The following IL23R variants were observed in gnomAD, a reference collection of about 807,000 sequenced individuals.
The protein encoded by IL23R is interleukin 23 receptor, also known as interleukin-23 receptor.
In IL23R, 34 loss-of-function variants were observed where a neutral mutation model predicts 56.9. The observed-to-expected ratio is 0.60, with a 90% CI of 0.45 to 0.80. IL23R has a LOEUF of 0.80. IL23R is among the 30% of genes least tolerant of loss of function. The pLI is 0.00. For missense variants in IL23R, 635 were observed against 730.0 expected, an observed-to-expected ratio of 0.87 and a Z score of 1.50; for synonymous variants, 230 against 249.2, an observed-to-expected ratio of 0.92 and a Z score of 0.73.
At chr1:67,167,083 C>T (rs774724212) in intron 1 of IL23R, among the ~76,000 whole-genome samples, 1 of 152,186 alleles carries the variant, frequency 6.6e-6, no homozygotes, top group African/African-American at 2.4e-5. Flanking sequence ...GCGTTCTCTA[C>T]AGATGAAAGG....
intron 9 of IL23R, among the ~76,000 whole-genome samples, chr1:67,253,946 C>T (rs1324579685): frequency 1.3e-5 from 2 of 152,032 alleles, no homozygotes; most frequent in East Asian, 1.9e-4. Context: ...AGACATAATT[C>T]CAATATATTT....
intron 1 of IL23R, among the ~76,000 whole-genome samples, chr1:67,167,061 C>T (rs564887374): frequency 7.2e-5 from 11 of 152,288 alleles, no homozygotes; most frequent in East Asian, 1.9e-4. Context: ...ATTTCTATAA[C>T]GTGTTCCTTT....
chr1:67,254,026 A>G (rs1652804044), intron 9 of IL23R, among the ~76,000 whole-genome samples: 1 of 152,068 alleles, frequency 6.6e-6, no homozygotes, highest in Admixed American at 6.6e-5. Flanking sequence ...TAGTTCTGAA[A>G]CAGAAGTGAG....
chr1:67,197,217 G>A (rs1648225768), intron 4 of IL23R, among the ~76,000 whole-genome samples: 1 of 152,158 alleles, frequency 6.6e-6, no homozygotes, highest in Non-Finnish European at 1.5e-5. Context: ...GCTTTGGGTA[G>A]CAAGGAAGTG....
chr1:67,139,593 C>G (rs1377575096), intron 1 of IL23R, among the ~76,000 whole-genome samples: 1 of 152,154 alleles, frequency 6.6e-6, no homozygotes, highest in Admixed American at 6.5e-5. Context: ...TTAAAGATCA[C>G]AACAGTAAAC....
chr1:67,187,209 G>A (rs944049343), intron 4 of IL23R, among the ~76,000 whole-genome samples: 2 of 152,100 alleles, frequency 1.3e-5, no homozygotes, highest in Non-Finnish European at 2.9e-5. Flanking sequence ...CAGTGTATAA[G>A]GGTTCCAGTA....
At chr1:67,160,852 C>T (rs1242668849) in intron 1 of IL23R, among the ~76,000 whole-genome samples, 1 of 152,076 alleles carries the variant, frequency 6.6e-6, no homozygotes, top group Non-Finnish European at 1.5e-5. Context: ...GCCCAGCTAG[C>T]AGAGCTCTAT....
chr1:67,244,379 C>G (rs933783045), intron 9 of IL23R, among the ~76,000 whole-genome samples: 2 of 152,160 alleles, frequency 1.3e-5, no homozygotes, highest in African/African-American at 4.8e-5. Context: ...ATCATGAACT[C>G]TTTGCCCATG....
At chr1:67,238,244 A>G (rs1399541961) in intron 8 of IL23R, among the ~76,000 whole-genome samples, 2 of 150,980 alleles carry the variant, frequency 1.3e-5, no homozygotes, top group African/African-American at 4.9e-5. Flanking sequence ...GCTACTTGGG[A>G]GGCTGAGGTG....
chr1:67,215,898 G>A (rs1005014950), intron 6 of IL23R, among the ~76,000 whole-genome samples: 7 of 151,912 alleles, frequency 4.6e-5, no homozygotes, highest in African/African-American at 1.7e-4. Context: ...TATTTTTTCT[G>A]CCAATTCCCT....
chr1:67,185,470 C>T lies in IL23R; in HGVS notation c.491+2511C>T, dbSNP rs576600898. 5.3e-5 allele frequency among the ~76,000 whole-genome samples: 8 copies of T among 152,158 alleles called. No individual in the cohort carries two copies. In the East Asian group the frequency reaches 5.8e-4, roughly 11 times the overall value. On this transcript the variant is annotated intron_variant, in intron 4 of 10. Transcript: ENST00000347310. Reference sequence around the variant, plus strand: ...CGTTTTTGTTTTTGTTTTTGAGCCACGGTCTCTGTCGCCCAGGCTGGAGTG... The same window carrying T: ...CGTTTTTGTTTTTGTTTTTGAGCCATGGTCTCTGTCGCCCAGGCTGGAGTG...
chr1:67,190,369 C>T (rs1013337219), intron 4 of IL23R, among the ~76,000 whole-genome samples: 13 of 151,756 alleles, frequency 8.6e-5, no homozygotes, highest in Non-Finnish European at 1.5e-4. Context: ...GACAGAGCCT[C>T]CTGGCTGTTC....
chr1:67,195,197 T>G (rs1648043675), intron 4 of IL23R, among the ~76,000 whole-genome samples: 1 of 152,136 alleles, frequency 6.6e-6, no homozygotes, highest in Admixed American at 6.5e-5. Context: ...CACACCTGGC[T>G]AATTTTTGTA....
chr1:67,198,337 CAT>C (rs1195217703), intron 4 of IL23R, among the ~76,000 whole-genome samples: 1 of 152,194 alleles, frequency 6.6e-6, no homozygotes. Context: ...CTAAAAACAT[CAT>C]GTGATTATTT....
chr1:67,220,547 T>C (rs1650173867), intron 7 of IL23R, among the ~76,000 whole-genome samples: 1 of 152,042 alleles, frequency 6.6e-6, no homozygotes, highest in Admixed American at 6.6e-5. Context: ...ATTTATATAA[T>C]GGTTCTCAAA....
chr1:67,168,166 A>G lies in IL23R; in HGVS notation c.46A>G (p.Ile16Val), dbSNP rs761754539. The G allele has an allele frequency of 6.2e-6, 10 of 1,611,436 alleles. No homozygotes were observed. Among genetic ancestry groups the G allele is most frequent in the South Asian group, 1.1e-5 (1 of 91,010 alleles). ...IQWDAVIALY[I>V]LFSWCHGGIT... ...ATGGGATGCAGTAATAGCCCTTTAC[A>G]TACTCTTCAGCTGGTGTCATGGAGG... is the stretch of plus-strand genomic sequence containing the variant. Residue 16 changes from isoleucine to valine, a missense_variant, in exon 2 of 11, where the codon ATA becomes GTA. By Grantham distance (29) the Ile-to-Val change is conservative (BLOSUM62 3). Coordinates refer to ENST00000347310, the MANE Select transcript of IL23R (RefSeq NM_144701.3).
At chr1:67,140,548 A>G (rs1570748666) in intron 1 of IL23R, among the ~76,000 whole-genome samples, 1 of 152,300 alleles carries the variant, frequency 6.6e-6, no homozygotes, top group East Asian at 1.9e-4. Flanking sequence ...GGGGAAAGGA[A>G]CAGAGAAAGA....
intron 9 of IL23R, among the ~76,000 whole-genome samples, chr1:67,244,440 T>A (rs993093413): frequency 1.2e-4 from 19 of 152,158 alleles, no homozygotes; most frequent in Admixed American, 2.6e-4. Context: ...TTTTTATGGT[T>A]ATTAGGTCTT....
At chr1:67,244,672 T>C (rs1652093145) in intron 9 of IL23R, among the ~76,000 whole-genome samples, 1 of 152,172 alleles carries the variant, frequency 6.6e-6, no homozygotes, top group African/African-American at 2.4e-5. Flanking sequence ...TTGGTCTATA[T>C]ATCTGTTTTG....
Sources: allele counts gnomAD v4.1 joint callset (sites outside exome capture counted in the v4.1 genomes callset), GRCh38; gene constraint gnomAD v4.1.1; transcripts MANE v1.5; gene names NCBI Gene and HGNC (gene_info 2026-07-23, HGNC 2026-07-21).